Variants in CFTR observed in about 807,000 individuals in gnomAD.
The protein encoded by CFTR is cystic fibrosis transmembrane conductance regulator.
In CFTR, 181 loss-of-function variants were observed where a neutral mutation model predicts 171.6. The ratio of observed to expected loss-of-function variants is 1.05; its 90% CI spans 0.93 to 1.19. The LOEUF is 1.19. Ranked by LOEUF, CFTR falls within the 50% of genes most tolerant of loss-of-function variation. The probability of loss-of-function intolerance (pLI) is 0.00; values close to 1 mark genes in which losing one functional copy is unlikely to be tolerated. For missense variants in CFTR, 1,968 were observed against 1,734.7 expected (o/e 1.13, Z -2.39); for synonymous variants, 583 against 608.0 (o/e 0.96, Z 0.60).
At chr7:117,517,399 T>C (rs894036654) in intron 3 of CFTR, among the ~76,000 whole-genome samples, 9 of 152,250 alleles carry the variant, frequency 5.9e-5, no homozygotes, top group African/African-American at 2.2e-4. Context: ...TCCTTTTTTA[T>C]GGCTGTATAG....
intron 10 of CFTR, among the ~76,000 whole-genome samples, chr7:117,556,580 C>T (rs1301752582): frequency 2.6e-4 from 28 of 109,346 alleles, no homozygotes; most frequent in Admixed American, 8.0e-4. Flanking sequence ...AGTGCAGTGG[C>T]GGGATCTCGG....
At chr7:117,587,917 T>G in intron 12 of CFTR, 84 bp downstream of exon 12, 1 of 851,580 alleles carries the variant, frequency 1.2e-6, no homozygotes, top group Non-Finnish European at 2.0e-6. Flanking sequence ...TCTATTGCTT[T>G]ATATTCTGTT....
At chr7:117,662,763 A>G (rs1453101660) in intron 24 of CFTR, among the ~76,000 whole-genome samples, 2 of 152,168 alleles carry the variant, frequency 1.3e-5, no homozygotes, top group African/African-American at 2.4e-5. Context: ...TCACTATAAT[A>G]GAGTTGGTAA....
chr7:117,602,944 T>C, intron 16 of CFTR, 81 bp downstream of exon 16: 1 of 1,233,492 alleles, frequency 8.1e-7, no homozygotes, highest in Non-Finnish European at 1.2e-6. Context: ...TTTGTATGTA[T>C]TGTAATCCAC....
rs1009196405 is a variant in CFTR, at chr7:117,541,988, A to G, written c.1117-28A>G. On this transcript the variant is annotated intron_variant, in intron 8 of 26. Coordinates refer to ENST00000003084, the MANE Select transcript of CFTR (RefSeq NM_000492.4). ...GCATTAATGCTATTCTGATTCTATA[A>G]TATGTTTTTGCTCTCTTTTATAAAT... is the stretch of plus-strand genomic sequence containing the variant. 9.2e-6 allele frequency: 10 copies of G among 1,088,560 alleles called. No homozygotes were observed. The highest frequency in any genetic ancestry group is 4.7e-5 in the East Asian group (2 of 42,202). The allele number at this position is 1,088,560 out of a possible 1,614,324, so 67.4% of individuals were successfully genotyped here.
chr7:117,573,169 T>C (rs916685056), intron 11 of CFTR, among the ~76,000 whole-genome samples: 2 of 152,146 alleles, frequency 1.3e-5, no homozygotes, highest in South Asian at 2.1e-4. Flanking sequence ...TAACAACTTC[T>C]GGTTTGTTTG....
intron 11 of CFTR, among the ~76,000 whole-genome samples, chr7:117,583,713 T>C (rs898196720): frequency 6.6e-6 from 1 of 152,156 alleles, no homozygotes; most frequent in African/African-American, 2.4e-5. Flanking sequence ...CTGGATCGAA[T>C]GGTAGTTCTC....
chr7:117,641,398 T>C (rs1792909707), intron 22 of CFTR, among the ~76,000 whole-genome samples: 1 of 152,190 alleles, frequency 6.6e-6, no homozygotes, highest in African/African-American at 2.4e-5. Context: ...TATTGATATG[T>C]AGTGAATTAG....
intron 1 of CFTR, among the ~76,000 whole-genome samples, chr7:117,500,090 A>T (rs1013363697): frequency 3.3e-5 from 5 of 152,084 alleles, no homozygotes; most frequent in Non-Finnish European, 5.9e-5. Context: ...AAAAGTCCTT[A>T]CTGTGCATTT....
chr7:117,614,610 TAGGAGA>T lies in CFTR; in HGVS notation c.3376_3381del (p.Glu1126_Gly1127del), dbSNP rs1554392764. ...TTCATTTACGTCTTTTGTGCATCTA[TAGGAGA>T]AGGAGAAGGAAGAGTTGGTATTATC... is the stretch of plus-strand genomic sequence containing the variant. On this transcript the variant is annotated splice_acceptor_variant and coding_sequence_variant, in exon 21 of 27. Transcript: ENST00000003084. LOFTEE classifies it high-confidence loss of function. 1 of 1,594,964 alleles carries T rather than the reference TAGGAGA, an allele frequency of 6.3e-7. No individual in the cohort carries two copies. Among genetic ancestry groups the T allele is most frequent in the South Asian group, 1.1e-5 (1 of 90,694 alleles).
chr7:117,661,094 G>C (rs1471147126), intron 24 of CFTR, among the ~76,000 whole-genome samples: 1 of 152,112 alleles, frequency 6.6e-6, no homozygotes, highest in Non-Finnish European at 1.5e-5. Flanking sequence ...AATCTATCTT[G>C]CTTTCCATTA....
In CFTR at chr7:117,587,842, C is replaced by G. The variant is rs775440240; in HGVS notation, c.1679+9C>G. Reference sequence around the variant, plus strand: ...AGAATTTCTTTAGCAAGGTGAATAACTAATTATTGGTCTAGCAAGCATTTG... The same window carrying G: ...AGAATTTCTTTAGCAAGGTGAATAAGTAATTATTGGTCTAGCAAGCATTTG... On this transcript the variant is annotated intron_variant, in intron 12 of 26. Transcript: ENST00000003084. 101 of 1,499,750 alleles carry G rather than the reference C, an allele frequency of 6.7e-5. No individual in the cohort carries two copies. The highest frequency in any genetic ancestry group is 9.0e-5 in the Non-Finnish European group (97 of 1,076,126). 92.9% of individuals were successfully genotyped at this position (1,499,750 alleles called of 1,614,324 possible). A position where few individuals can be genotyped will look rare whatever the true frequency, so the allele number is the denominator to read the frequency against.
intron 11 of CFTR, chr7:117,560,868 G>A (rs910639313): frequency 7.2e-5 from 11 of 152,056 alleles, no homozygotes; most frequent in Admixed American, 2.6e-4. Context: ...TTGTCTAGGA[G>A]GGGACTAGGT....
intron 24 of CFTR, among the ~76,000 whole-genome samples, chr7:117,661,983 G>GA (rs57319132): frequency 0.034 from 2,936 of 86,580 alleles, 71 homozygotes; most frequent in South Asian, 0.1. Context: ...TAATTTTACT[G>GA]AAAAAAAAAA....
intron 1 of CFTR, among the ~76,000 whole-genome samples, chr7:117,503,951 T>A (rs1411909259): frequency 2.0e-5 from 3 of 152,194 alleles, no homozygotes; most frequent in African/African-American, 4.8e-5. Context: ...AGTTATTTTT[T>A]AAAGAATAAT....
rs538083728 is a variant in CFTR, at chr7:117,652,680, A to G, written c.3874-162A>G. On this transcript the variant is annotated intron_variant, in intron 23 of 26. Coordinates refer to ENST00000003084, the MANE Select transcript of CFTR (RefSeq NM_000492.4). ...CTTAAAAGAATGATACAAAGCAGAC[A>G]TGATAAAATATTAAAATTTGAGAGA... is the stretch of plus-strand genomic sequence containing the variant. Among the ~76,000 whole-genome samples, 13 of 152,272 alleles carry G rather than the reference A, an allele frequency of 8.5e-5. No individual in the cohort carries two copies. The South Asian group carries it at 2.7e-3, about 32-fold the overall frequency.
chr7:117,511,611 T>C (rs2116645071), intron 3 of CFTR, among the ~76,000 whole-genome samples: 1 of 152,250 alleles, frequency 6.6e-6, no homozygotes, highest in East Asian at 1.9e-4. Flanking sequence ...CTGAAATGTG[T>C]AGGTGAGAAG....
chr7:117,519,233 A>G (rs1252858614), intron 3 of CFTR, among the ~76,000 whole-genome samples: 2 of 152,168 alleles, frequency 1.3e-5, no homozygotes, highest in African/African-American at 4.8e-5. Context: ...GGAAATATTT[A>G]AAAACAAACC....
At chr7:117,603,466 T>G in intron 16 of CFTR, 66 bp from the exon 17 acceptor site, 2 of 1,582,566 alleles carry the variant, frequency 1.3e-6, no homozygotes, top group East Asian at 2.2e-5. Flanking sequence ...TAGTTCCATT[T>G]ACATGTATTG....
Sources: gnomAD v4.1 joint callset for allele counts (sites outside exome capture counted in the v4.1 genomes callset) on GRCh38, gnomAD v4.1.1 for gene constraint, MANE v1.5 for transcripts, NCBI Gene and HGNC (gene_info 2026-07-23, HGNC 2026-07-21) for gene names.